CCDC191: variants seen among roughly 807,000 people sequenced by gnomAD.
CCDC191 encodes coiled-coil domain containing 191, also known as coiled-coil domain-containing protein 191.
In CCDC191, 99 loss-of-function variants were observed where a neutral mutation model predicts 114.0. The ratio of observed to expected loss-of-function variants is 0.87; its 90% CI spans 0.74 to 1.03. The LOEUF is 1.03. Ranked by LOEUF, CCDC191 falls within the 50% of genes least tolerant of loss-of-function variation. The probability of loss-of-function intolerance (pLI) is 0.00; values close to 1 mark genes in which losing one functional copy is unlikely to be tolerated. For missense variants in CCDC191, 973 were observed against 1,087.0 expected, an observed-to-expected ratio of 0.90 and a Z score of 1.47; for synonymous variants, 351 against 376.0, an observed-to-expected ratio of 0.93 and a Z score of 0.77.
intron 11 of CCDC191, chr3:114,004,309 ACTCAGAGTTTT>A: frequency 1.0e-6 from 1 of 1,001,474 alleles, no homozygotes; most frequent in Non-Finnish European, 1.2e-6. Context: ...CTTGGCAGTT[ACTCAGAGTTTT>A]CTCATTTGTG....
chr3:114,003,607 T>C (rs564805460), intron 11 of CCDC191: 1 of 985,326 alleles, frequency 1.0e-6, no homozygotes, highest in East Asian at 1.1e-4. Context: ...AATAGCTAAC[T>C]CCTTGACCAA....
chr3:114,004,096 C>T, intron 11 of CCDC191: 1 of 949,148 alleles, frequency 1.1e-6, no homozygotes, highest in African/African-American at 1.8e-5. Context: ...CAGGAAGACC[C>T]TGCCTGTACC....
At position 113,978,840 on chromosome 3, in the gene CCDC191, C is replaced by A; in HGVS notation, c.2460+18G>T. Reference sequence around the variant, plus strand: ...GAGCAATGAGATGTATTTAAGGTACCCTTCCCTATGTCCTTACCTGTAGCC... The same window carrying A: ...GAGCAATGAGATGTATTTAAGGTACACTTCCCTATGTCCTTACCTGTAGCC... On this transcript the variant is annotated intron_variant, in intron 15 of 16. Transcript: ENST00000295878. The A allele has an allele frequency of 6.2e-7, 1 of 1,607,946 alleles. No homozygotes were observed. Among genetic ancestry groups the A allele is most frequent in the African/African-American group, 1.3e-5 (1 of 74,778 alleles).
chr3:114,003,409 T>A (rs2075890594), intron 11 of CCDC191: 2 of 985,358 alleles, frequency 2.0e-6, no homozygotes, highest in Non-Finnish European at 2.4e-6. Context: ...ATTAAGTGTC[T>A]GCTTTGCTGA....
intron 3 of CCDC191, 115 bp downstream of exon 3, chr3:114,046,476 A>C: frequency 1.4e-6 from 1 of 728,756 alleles, no homozygotes; most frequent in Non-Finnish European, 2.4e-6. Context: ...AGGGGAGTAG[A>C]AAGAAAGGGA....
Position 114,053,583 on chromosome 3 carries a change from T to G in CCDC191, c.129+14A>C. The G allele has an allele frequency of 1.3e-6, 2 of 1,527,342 alleles. No individual in the cohort carries two copies. Among genetic ancestry groups the G allele is most frequent in the Non-Finnish European group, 1.8e-6 (2 of 1,110,790 alleles). The allele number at this position is 1,527,342 out of a possible 1,614,324, so 94.6% of individuals were successfully genotyped here. ...CTTAATACTCTTTTTATTCTAAATT[T>G]GAAATATCCTTACCTTTATCCAGTG... On this transcript the variant is annotated intron_variant, in intron 2 of 16. Transcript: ENST00000295878.
intron 6 of CCDC191, among the ~76,000 whole-genome samples, chr3:114,032,151 A>G (rs1320063475): frequency 6.6e-6 from 1 of 152,188 alleles, no homozygotes; most frequent in African/African-American, 2.4e-5. Flanking sequence ...AGGATTCTCA[A>G]GAAAGGAATG....
intron 13 of CCDC191, among the ~76,000 whole-genome samples, chr3:113,993,183 G>GC (rs2075624966): frequency 6.6e-6 from 1 of 152,096 alleles, no homozygotes; most frequent in Admixed American, 6.6e-5. Context: ...CTGTAATCCA[G>GC]CATTTTGAGA....
chr3:114,022,153 A>G (rs2076253045), intron 7 of CCDC191, among the ~76,000 whole-genome samples: 1 of 152,136 alleles, frequency 6.6e-6, no homozygotes, highest in South Asian at 2.1e-4. Flanking sequence ...TCCACAATAC[A>G]TCATTTGGTT....
intron 9 of CCDC191, 176 bp from the exon 10 acceptor site, chr3:114,006,138 T>C (rs1277425297): frequency 2.9e-6 from 2 of 690,004 alleles, no homozygotes; most frequent in Non-Finnish European, 5.3e-6. Context: ...AAAACATGCA[T>C]TGCTGCTCAC....
At chr3:113,977,365 A>G (rs949033065) in intron 16 of CCDC191, among the ~76,000 whole-genome samples, 1 of 152,178 alleles carries the variant, frequency 6.6e-6, no homozygotes, top group Non-Finnish European at 1.5e-5. Context: ...CACCCGGCAC[A>G]CTAACTGATG....
In CCDC191 at chr3:114,056,456, G is replaced by A. The variant is rs908020876; in HGVS notation, c.11C>T (p.Ala4Val). 6.2e-7 allele frequency: 1 copy of A among 1,614,078 alleles called. No individual in the cohort carries two copies. The highest frequency in any genetic ancestry group is 8.5e-7 in the Non-Finnish European group (1 of 1,180,018). Residue 4 changes from alanine to valine, a missense_variant, in exon 1 of 17, where the codon GCG becomes GTG. Transcript: ENST00000295878. MLL[A>V]PQGRSFSKKR... ...CTTTGAGAAGGACCTTCCCTGAGGC[G>A]CCAGGAGCATTTTCCAAGTTCGAGC...
intron 2 of CCDC191, among the ~76,000 whole-genome samples, chr3:114,047,834 G>C (rs905280961): frequency 1.3e-5 from 2 of 152,076 alleles, no homozygotes; most frequent in African/African-American, 4.8e-5. Flanking sequence ...AATTAGCCGG[G>C]TGTGGTGGCA....
intron 7 of CCDC191, among the ~76,000 whole-genome samples, chr3:114,026,532 A>G (rs2076323612): frequency 6.6e-6 from 1 of 152,188 alleles, no homozygotes; most frequent in African/African-American, 2.4e-5. Context: ...AACATAAGAA[A>G]ACATTGCTGA....
Position 113,980,718 on chromosome 3 carries a change from C to T in CCDC191, c.2239G>A (p.Val747Ile). 6.2e-7 allele frequency: 1 copy of T among 1,609,960 alleles called. No individual in the cohort carries two copies. The highest frequency in any genetic ancestry group is 8.5e-7 in the Non-Finnish European group (1 of 1,178,686). ...EAIAKEHYER[V>I]LLRKKGLEPW... ...TCTAGACCTTTTTTCCTTAGCAAGA[C>T]CCTTTCATAATGTTCTTTGGCTATT... The change falls in exon 14 of 17, where the codon GTC becomes ATC. Residue 747 changes from valine to isoleucine, a missense_variant. Transcript: ENST00000295878.
chr3:114,034,853 A>C, intron 6 of CCDC191, 72 bp downstream of exon 6: 1 of 1,342,614 alleles, frequency 7.4e-7, no homozygotes, highest in Non-Finnish European at 1.0e-6. Flanking sequence ...TGTGCACTTC[A>C]AAAACTTCAG....
intron 13 of CCDC191, 145 bp from the exon 14 acceptor site, chr3:113,980,938 T>C: frequency 1.4e-6 from 1 of 729,004 alleles, no homozygotes; most frequent in Non-Finnish European, 2.2e-6. Flanking sequence ...TAGGGCTTTT[T>C]CTTTAAAAAA....
intron 13 of CCDC191, among the ~76,000 whole-genome samples, chr3:113,992,111 G>GGAAGTCCA (rs1170249208): frequency 3.3e-5 from 5 of 152,122 alleles, no homozygotes; most frequent in African/African-American, 1.2e-4. Context: ...AGTACTTTGT[G>GGAAGTCCA]GAAGTCCAGA....
chr3:114,031,265 C>A (rs1308823994), intron 7 of CCDC191, among the ~76,000 whole-genome samples: 1 of 152,166 alleles, frequency 6.6e-6, no homozygotes, highest in African/African-American at 2.4e-5. Context: ...ATGGTCCTTA[C>A]AACTGTCAAA....
Sources: allele counts gnomAD v4.1 joint callset (sites outside exome capture counted in the v4.1 genomes callset), GRCh38; gene constraint gnomAD v4.1.1; transcripts MANE v1.5; gene names NCBI Gene and HGNC (gene_info 2026-07-23, HGNC 2026-07-21).